Variants in TEX15 observed in about 807,000 individuals in gnomAD.
TEX15 encodes testis-expressed protein 15.
TEX15 carries 171 observed loss-of-function variants against 237.3 expected under a neutral mutation model. The observed-to-expected ratio is 0.72, with a 90% CI of 0.64 to 0.82. The LOEUF (loss-of-function observed/expected upper bound fraction) is 0.82. Among genes scored for constraint, TEX15 ranks in the 40% least tolerant of loss-of-function variants. TEX15 has a pLI of 0.00. For missense variants in TEX15, 3,750 were observed against 3,646.5 expected (o/e 1.03, Z -0.73); for synonymous variants, 1,338 against 1,269.8 (o/e 1.05, Z -1.14).
intron 4 of TEX15, 24 bp downstream of exon 4, chr8:30,874,913 C>T (rs1808370121): frequency 8.0e-7 from 1 of 1,251,656 alleles, no homozygotes; most frequent in Non-Finnish European, 1.0e-6. Context: ...AAATCTCAAA[C>T]ACGTTTAGAT....
Position 30,844,005 on chromosome 8 carries a change from G to T in TEX15, c.6162C>A (p.Asp2054Glu). The T allele has an allele frequency of 6.2e-7, 1 of 1,612,440 alleles. No homozygotes were observed. Among genetic ancestry groups the T allele is most frequent in the South Asian group, 1.1e-5 (1 of 90,800 alleles). The change falls in exon 8 of 11, where the codon GAC (aspartate) becomes GAA (glutamate). Residue 2054 changes from aspartate to glutamate, a missense_variant. Physicochemically the swap from Asp to Glu is conservative, Grantham distance 45. Coordinates refer to ENST00000643185, the MANE Select transcript of TEX15 (RefSeq NM_001350162.2). Reference sequence around the variant, plus strand: ...GTTTGCAATTATTCCACAGGTTTTGGTCTACCAACAGTTCTCTTGAAATCA... The same window carrying T: ...GTTTGCAATTATTCCACAGGTTTTGTTCTACCAACAGTTCTCTTGAAATCA... ...QILISRELLV[D>E]QNLWNNCKHT...
At chr8:30,890,565 C>G (rs1345415581) in intron 2 of TEX15, 2 of 152,162 alleles carry the variant, frequency 1.3e-5, no homozygotes, top group African/African-American at 4.8e-5. Context: ...TTATCCACAT[C>G]AGTCATTTGC....
chr8:30,848,161 C>T lies in TEX15; in HGVS notation c.2006G>A (p.Ser669Asn), dbSNP rs754361751. ...YIVLHQEYKE[S>N]ESHNSFGKSC... ...TTTCCCAAAAGAATTATGACTCTCA[C>T]TCTCTTTGTATTCTTGGTGCAAAAC... Residue 669 changes from serine (S) to asparagine (N), a missense_variant, in exon 8 of 11, where the codon AGT (serine) becomes AAT (asparagine). Coordinates refer to ENST00000643185, the MANE Select transcript of TEX15 (RefSeq NM_001350162.2). 1 of 1,610,834 alleles carries T rather than the reference C, an allele frequency of 6.2e-7. No individual in the cohort carries two copies. Among genetic ancestry groups the T allele is most frequent in the Non-Finnish European group, 8.5e-7 (1 of 1,179,084 alleles).
chr8:30,838,919 G>T (rs1807381660), intron 9 of TEX15, among the ~76,000 whole-genome samples: 1 of 149,298 alleles, frequency 6.7e-6, no homozygotes, highest in African/African-American at 2.5e-5. Context: ...AAGTTCAAAT[G>T]ATTCTCCTGC....
At position 30,858,754 on chromosome 8, in the gene TEX15, G is replaced by A. The variant is rs1346788385; in HGVS notation, c.764C>T (p.Thr255Ile). Residue 255 changes from threonine to isoleucine, a missense_variant, in exon 7 of 11, where the codon ACA becomes ATA. Physicochemically the swap from Thr to Ile is moderately conservative, Grantham distance 89. Transcript: ENST00000643185. ...TACTTTTGAACCAAGAAATTTTACT[G>A]TTACTACAGCATATGGAAGACATTG... ...PRQCLPYAVV[T>I]VKFLGSKVDN... 6.5e-7 allele frequency: 1 copy of A among 1,535,452 alleles called. No homozygotes were observed. The highest frequency in any genetic ancestry group is 2.4e-5 in the East Asian group (1 of 40,888).
rs1807334966 is a variant in TEX15, at chr8:30,837,492, G to A, written c.8792C>T (p.Ser2931Phe). 1 of 1,613,480 alleles carries A rather than the reference G, an allele frequency of 6.2e-7. No individual in the cohort carries two copies. The highest frequency in any genetic ancestry group is 8.5e-7 in the Non-Finnish European group (1 of 1,179,528). ...NDIVNSSIKN[S>F]SCMTSPEPIC... ...GGGTTCTGGAGAAGTCATGCATGAG[G>A]AATTTTTAATAGATGAATTTACTAT... Residue 2931 changes from serine to phenylalanine, a missense_variant, in exon 10 of 11, where the codon TCC (serine) becomes TTC (phenylalanine). Physicochemically the swap from Ser to Phe is radical, Grantham distance 155. Coordinates refer to ENST00000643185, the MANE Select transcript of TEX15 (RefSeq NM_001350162.2).
rs761411422 is a variant in TEX15 at position 30,846,162 on chromosome 8, T to C, written c.4005A>G (p.Ser1335=). 6.2e-7 allele frequency: 1 copy of C among 1,613,516 alleles called. No homozygotes were observed. Among genetic ancestry groups the C allele is most frequent in the Middle Eastern group, 1.7e-4 (1 of 6,060 alleles). Residue 1335 remains serine, a synonymous_variant, in exon 8 of 11, where the codon TCA becomes TCG. Transcript: ENST00000643185. The part of the protein sequence containing the change: ...GRKRRLTSQD[S]SECFSSLSQG... ...GGGATAATGAAGAGAAACACTCAGA[T>C]GAGTCTTGACTGGTTAGCCTCCTCT...
At chr8:30,885,556 T>C (rs539362773) in intron 3 of TEX15, among the ~76,000 whole-genome samples, 11 of 152,286 alleles carry the variant, frequency 7.2e-5, no homozygotes, top group African/African-American at 2.4e-4. Context: ...AGTGTGAAAA[T>C]GGATTAATAC....
At position 30,836,855 on chromosome 8, in the gene TEX15, T is replaced by C. The variant is rs1418703519; in HGVS notation, c.9429A>G (p.Thr3143=). 3.7e-6 allele frequency: 6 copies of C among 1,613,966 alleles called. No individual in the cohort carries two copies. The highest frequency in any genetic ancestry group is 3.3e-5 in the Admixed American group (2 of 59,998). ...YASHQPLPQA[T]YPYLPNRFVP... is the part of the protein sequence containing the mutation. ...CAAATCGATTAGGAAGGTAAGGGTA[T>C]GTAGCTTGTGGTAATGGCTGATGAG... The change falls in exon 10 of 11, where the codon ACA becomes ACG. Residue 3143 remains threonine (T), a synonymous_variant. Coordinates refer to ENST00000643185, the MANE Select transcript of TEX15 (RefSeq NM_001350162.2).
At chr8:30,911,009 A>T (rs1585321294) in intron 1 of TEX15, among the ~76,000 whole-genome samples, 1 of 152,224 alleles carries the variant, frequency 6.6e-6, no homozygotes, top group East Asian at 1.9e-4. Flanking sequence ...TCTCCCTTTC[A>T]AGCAGCGATG....
chr8:30,846,162 T>A lies in TEX15; in HGVS notation c.4005A>T (p.Ser1335=). ...GRKRRLTSQD[S]SECFSSLSQG... is the part of the protein sequence containing the mutation. ...GGGATAATGAAGAGAAACACTCAGA[T>A]GAGTCTTGACTGGTTAGCCTCCTCT... is the stretch of plus-strand genomic sequence containing the variant. Residue 1335 remains serine, a synonymous_variant, in exon 8 of 11, where the codon TCA becomes TCT. Coordinates refer to ENST00000643185, the MANE Select transcript of TEX15 (RefSeq NM_001350162.2). The A allele has an allele frequency of 6.2e-7, 1 of 1,613,516 alleles. No homozygotes were observed. Among genetic ancestry groups the A allele is most frequent in the South Asian group, 1.1e-5 (1 of 90,994 alleles).
chr8:30,901,764 T>A (rs1809010217), intron 1 of TEX15, among the ~76,000 whole-genome samples: 1 of 152,166 alleles, frequency 6.6e-6, no homozygotes, highest in Non-Finnish European at 1.5e-5. Context: ...TCTGAGGAAG[T>A]TTTCAAAGTC....
rs140896271 is a variant in TEX15 at position 30,881,746 on chromosome 8, C to T, written c.136+5421G>A. Among the ~76,000 whole-genome samples, 800 of 151,692 alleles carry T rather than the reference C, an allele frequency of 5.3e-3. 6 individuals carry two copies. Among genetic ancestry groups the T allele is most frequent in the African/African-American group, 0.018 (736 of 41,274 alleles). ...ACACGATTCTCCTGTCTCAGCCTCC[C>T]GAGTAGCTGGGATTACAGGCGCATA... On this transcript the variant is annotated intron_variant, in intron 3 of 10. Transcript: ENST00000643185.
chr8:30,843,834 A>G lies in TEX15; in HGVS notation c.6333T>C (p.Ala2111=), dbSNP rs890575791. The G allele has an allele frequency of 1.2e-6, 2 of 1,612,792 alleles. No individual in the cohort carries two copies. Among genetic ancestry groups the G allele is most frequent in the East Asian group, 2.2e-5 (1 of 44,870 alleles). Residue 2111 remains alanine (A), a synonymous_variant, in exon 8 of 11, where the codon GCT becomes GCC. Coordinates refer to ENST00000643185, the MANE Select transcript of TEX15 (RefSeq NM_001350162.2). ...ATCCACGTGGTTTTCCAAGAAGCTC[A>G]GCATACAGTGTTTCATCATACCAAA... ...SLLWYDETLY[A]ELLGKPRGFQ... is the part of the protein sequence containing the mutation.
At chr8:30,901,474 A>G (rs1316771220) in intron 1 of TEX15, among the ~76,000 whole-genome samples, 1 of 152,228 alleles carries the variant, frequency 6.6e-6, no homozygotes, top group Admixed American at 6.5e-5. Flanking sequence ...TTTCATAATA[A>G]GAATCCAAGT....
chr8:30,854,098 C>T (rs923427398), intron 7 of TEX15, among the ~76,000 whole-genome samples: 2 of 150,858 alleles, frequency 1.3e-5, no homozygotes, highest in Non-Finnish European at 1.5e-5. Flanking sequence ...CACACACACA[C>T]GTGAAACAGC....
chr8:30,899,733 T>C (rs1808973096), intron 1 of TEX15, among the ~76,000 whole-genome samples: 1 of 152,190 alleles, frequency 6.6e-6, no homozygotes, highest in Admixed American at 6.5e-5. Flanking sequence ...CCATGGCACC[T>C]GGCCCCAACT....
rs759028200 is a variant in TEX15 at position 30,844,388 on chromosome 8, C to T, written c.5779G>A (p.Glu1927Lys). Reference protein sequence around the residue: ...NPLNKREKKGEIKVSKDSQSD... With the variant: ...NPLNKREKKGKIKVSKDSQSD... ...TGCGAGTCTTTACTAACTTTAATTT[C>T]CCCCTTCTTCTCTCTTTTGTTAAGC... is the stretch of plus-strand genomic sequence containing the variant. Residue 1927 changes from glutamate (E) to lysine (K), a missense_variant, in exon 8 of 11, where the codon GAA becomes AAA. Transcript: ENST00000643185. 5.6e-6 allele frequency: 9 copies of T among 1,609,738 alleles called. No homozygotes were observed. Among genetic ancestry groups the T allele is most frequent in the Non-Finnish European group, 7.6e-6 (9 of 1,178,398 alleles).
Position 30,844,197 on chromosome 8 carries a change from T to C in TEX15, c.5970A>G (p.Ser1990=). 1 of 1,611,858 alleles carries C rather than the reference T, an allele frequency of 6.2e-7. No individual in the cohort carries two copies. Among genetic ancestry groups the C allele is most frequent in the African/African-American group, 1.3e-5 (1 of 74,890 alleles). ...TAGCTATAAGGGCCGTATGATTAGC[T>C]GAGCAATGTTTTTCTTTAAAATCAC... ...YVSDFKEKHC[S]ANHTALIANL... The change falls in exon 8 of 11, where the codon TCA becomes TCG. Residue 1990 remains serine, a synonymous_variant. Coordinates refer to ENST00000643185, the MANE Select transcript of TEX15 (RefSeq NM_001350162.2).
Sources: gnomAD v4.1 joint callset for allele counts (sites outside exome capture counted in the v4.1 genomes callset) on GRCh38, gnomAD v4.1.1 for gene constraint, MANE v1.5 for transcripts, NCBI Gene and HGNC (gene_info 2026-07-23, HGNC 2026-07-21) for gene names.